AKNAD1: variants seen among roughly 807,000 people sequenced by gnomAD.
AKNAD1 encodes protein AKNAD1.
A neutral mutation model predicts 90.8 loss-of-function variants in AKNAD1; 67 were observed. The ratio of observed to expected loss-of-function variants is 0.74; its 90% CI spans 0.61 to 0.90. The LOEUF is 0.90. Ranked by LOEUF, AKNAD1 falls within the 40% of genes least tolerant of loss-of-function variation. The probability of loss-of-function intolerance (pLI) is 0.00; values close to 1 mark genes in which losing one functional copy is unlikely to be tolerated. For synonymous variants in AKNAD1, 327 were observed against 341.4 expected (o/e 0.96, Z 0.46); for missense variants, 957 against 975.4 (o/e 0.98, Z 0.25).
intron 9 of AKNAD1, among the ~76,000 whole-genome samples, chr1:108,833,688 A>T (rs1000569009): frequency 3.8e-4 from 53 of 137,848 alleles, no homozygotes; most frequent in South Asian, 6.4e-4. Context: ...TTTATAATTT[A>T]AAAAAAAAGG....
intron 13 of AKNAD1, among the ~76,000 whole-genome samples, chr1:108,821,766 A>G (rs958800336): frequency 6.6e-6 from 1 of 152,214 alleles, no homozygotes; most frequent in Non-Finnish European, 1.5e-5. Context: ...AGAAAGACAG[A>G]TAAAGGAAAA....
At chr1:108,819,722 G>A (rs1470055844) in intron 14 of AKNAD1, among the ~76,000 whole-genome samples, 1 of 151,332 alleles carries the variant, frequency 6.6e-6, no homozygotes, top group Non-Finnish European at 1.5e-5. Context: ...GACTAGCCTG[G>A]GCAACATAAC....
chr1:108,849,317 C>CA lies in AKNAD1; in HGVS notation c.1033+219dup, dbSNP rs375700386. ...GCAACAAAGTGAGACCCCACATCTA[C>CA]AAAAAAAAAAAATTATCTAGGTGTG... On this transcript the variant is annotated intron_variant, in intron 3 of 15. Coordinates refer to ENST00000370001, the MANE Select transcript of AKNAD1 (RefSeq NM_152763.5). Among the ~76,000 whole-genome samples the CA allele has an allele frequency of 8.2e-3, 1,177 of 144,208 alleles. 15 individuals carry two copies. Among genetic ancestry groups the CA allele is most frequent in the East Asian group, 0.046 (229 of 4,954 alleles). 94.6% of individuals were successfully genotyped at this position (144,208 alleles called of 152,430 possible). A position where few individuals can be genotyped will look rare whatever the true frequency, so the allele number is the denominator to read the frequency against.
At position 108,852,292 on chromosome 1, in the gene AKNAD1, C is replaced by T. The variant is rs1012372391; in HGVS notation, c.373G>A (p.Gly125Ser). ...HHLSKEPFLR[G>S]QGIDCETLPE... Reference sequence around the variant, plus strand: ...AGGGTTTCACAATCAATGCCTTGACCTCTTAAGAATGGCTCTTTGGAAAGA... The same window carrying T: ...AGGGTTTCACAATCAATGCCTTGACTTCTTAAGAATGGCTCTTTGGAAAGA... Residue 125 changes from glycine (G) to serine (S), a missense_variant, in exon 2 of 16, where the codon GGT becomes AGT. Transcript: ENST00000370001. The T allele has an allele frequency of 6.2e-7, 1 of 1,613,986 alleles. No individual in the cohort carries two copies. Among genetic ancestry groups the T allele is most frequent in the Non-Finnish European group, 8.5e-7 (1 of 1,180,042 alleles).
intron 1 of AKNAD1, among the ~76,000 whole-genome samples, chr1:108,854,129 G>C (rs1371050389): frequency 3.3e-5 from 5 of 152,100 alleles, no homozygotes. Flanking sequence ...GACTCTTTGG[G>C]GATATTCCTG....
At chr1:108,819,961 G>A (rs1247129030) in intron 14 of AKNAD1, among the ~76,000 whole-genome samples, 2 of 147,846 alleles carry the variant, frequency 1.4e-5, no homozygotes, top group Non-Finnish European at 3.0e-5. Flanking sequence ...GCTTCCTCTT[G>A]CTCCTAAGAT....
chr1:108,844,707 G>C (rs1304429250), intron 5 of AKNAD1, among the ~76,000 whole-genome samples: 1 of 151,892 alleles, frequency 6.6e-6, no homozygotes, highest in Non-Finnish European at 1.5e-5. Context: ...CTAAGCTTCA[G>C]TTTCTACATC....
chr1:108,831,561 G>A (rs61799961), intron 9 of AKNAD1, among the ~76,000 whole-genome samples: 14,464 of 151,900 alleles, frequency 0.095, 781 homozygotes, highest in Non-Finnish European at 0.12. Flanking sequence ...GTCACCTTTT[G>A]TGTTAATTTG....
In AKNAD1 at chr1:108,834,518, C is replaced by T. The variant is rs140022518; in HGVS notation, c.1675G>A (p.Gly559Ser). 17 of 1,583,652 alleles carry T rather than the reference C, an allele frequency of 1.1e-5. No homozygotes were observed. The highest frequency in any genetic ancestry group is 5.9e-5 in the African/African-American group (4 of 68,140). The change falls in exon 9 of 16, where the codon GGT (glycine) becomes AGT (serine). Residue 559 changes from glycine to serine, a missense_variant. By Grantham distance (56) the Gly-to-Ser change is moderately conservative. Coordinates refer to ENST00000370001, the MANE Select transcript of AKNAD1 (RefSeq NM_152763.5). ...TGGGCAGCTGCATCTCCATAATGAC[C>T]GTTTAGGTAACTAATTTAAAAAAAA... ...CELAPQTYLN[G>S]HYGDAAAQNK...
At position 108,852,342 on chromosome 1, in the gene AKNAD1, C is replaced by T. The variant is rs141182594; in HGVS notation, c.323G>A (p.Ser108Asn). ...ATGATGAAGTAAAATATCAGAAATG[C>T]TTGACTTAGAAGCGTCTCCTTCATT... ...PANEGDASKS[S>N]ISDILLHHLS... The change falls in exon 2 of 16, where the codon AGC becomes AAC. Residue 108 changes from serine (S) to asparagine (N), a missense_variant. Coordinates refer to ENST00000370001, the MANE Select transcript of AKNAD1 (RefSeq NM_152763.5). 300 of 1,614,084 alleles carry T rather than the reference C, an allele frequency of 1.9e-4. 1 individual carries two copies. In the African/African-American group the frequency reaches 3.4e-3, roughly 18 times the overall value.
intron 1 of AKNAD1, among the ~76,000 whole-genome samples, chr1:108,855,878 C>T (rs1665017432): frequency 7.9e-6 from 1 of 127,100 alleles, no homozygotes; most frequent in African/African-American, 2.9e-5. Flanking sequence ...AACAGAGTAT[C>T]TTTTTTTTTT....
chr1:108,848,560 G>C (rs1664767411), intron 5 of AKNAD1, among the ~76,000 whole-genome samples, 192 bp downstream of exon 5: 1 of 152,130 alleles, frequency 6.6e-6, no homozygotes, highest in Non-Finnish European at 1.5e-5. Flanking sequence ...CCCTGAGAAG[G>C]AAAGAGGGCT....
At chr1:108,853,399 G>T (rs1233723585) in intron 1 of AKNAD1, among the ~76,000 whole-genome samples, 13 of 151,818 alleles carry the variant, frequency 8.6e-5, no homozygotes, top group African/African-American at 3.1e-4. Context: ...CCAAAGTGCT[G>T]GGATTACAGG....
chr1:108,842,873 T>A (rs1157673606), intron 6 of AKNAD1, among the ~76,000 whole-genome samples: 1 of 152,152 alleles, frequency 6.6e-6, no homozygotes, highest in Non-Finnish European at 1.5e-5. Context: ...TTGCAAAATT[T>A]TGGTACAATG....
intron 5 of AKNAD1, among the ~76,000 whole-genome samples, chr1:108,846,205 T>C (rs1215447633): frequency 9.9e-5 from 15 of 152,160 alleles, no homozygotes; most frequent in Admixed American, 9.8e-4. Flanking sequence ...GTCTGGCTTT[T>C]TTCAAGACTG....
At chr1:108,853,810 C>A (rs1664944790) in intron 1 of AKNAD1, among the ~76,000 whole-genome samples, 1 of 152,056 alleles carries the variant, frequency 6.6e-6, no homozygotes, top group South Asian at 2.1e-4. Flanking sequence ...GTGGCAAGCA[C>A]CTGTAGTCCC....
chr1:108,823,010 A>G, intron 13 of AKNAD1: 1 of 602,378 alleles, frequency 1.7e-6, no homozygotes, highest in Non-Finnish European at 3.0e-6. Context: ...CTTAGTAGGG[A>G]TATATGTAAA....
chr1:108,829,870 G>A (rs935172357), intron 10 of AKNAD1, among the ~76,000 whole-genome samples: 4 of 152,166 alleles, frequency 2.6e-5, no homozygotes, highest in African/African-American at 9.7e-5. Flanking sequence ...AACATCTCTC[G>A]CTACCTGAAA....
chr1:108,820,531 G>A lies in AKNAD1; in HGVS notation c.2249+14C>T, dbSNP rs765358906. On this transcript the variant is annotated intron_variant, in intron 14 of 15. Coordinates refer to ENST00000370001, the MANE Select transcript of AKNAD1 (RefSeq NM_152763.5). ...TGAGAAATATTTTGTTACTGATAAT[G>A]AAATAATACTTACTTTCCTGGTGTG... 1 of 1,548,180 alleles carries A rather than the reference G, an allele frequency of 6.5e-7. No homozygotes were observed. The highest frequency in any genetic ancestry group is 1.1e-5 in the South Asian group (1 of 89,044).
Sources: gnomAD v4.1 joint callset for allele counts (sites outside exome capture counted in the v4.1 genomes callset) on GRCh38, gnomAD v4.1.1 for gene constraint, MANE v1.5 for transcripts, NCBI Gene and HGNC (gene_info 2026-07-23, HGNC 2026-07-21) for gene names.